Variants in CDH2 observed in about 807,000 individuals in gnomAD.
CDH2 encodes the protein cadherin 2.
Under a neutral mutation model 92.0 loss-of-function variants are expected in CDH2, and 17 were observed. That is an observed-to-expected ratio of 0.18 (90% CI 0.13 to 0.28). The LOEUF is 0.28. Ranked by LOEUF, CDH2 falls within the 10% of genes least tolerant of loss-of-function variation. CDH2 has a pLI of 1.00. For missense variants in CDH2, 862 were observed against 1,133.1 expected (o/e 0.76, Z 3.44); for synonymous variants, 419 against 415.9 (o/e 1.01, Z -0.09).
At chr18:28,159,393 C>A (rs7233210) in intron 1 of CDH2, 2 of 152,152 alleles carry the variant, frequency 1.3e-5, no homozygotes, top group African/African-American at 4.8e-5. Context: ...TGCCTGCCAC[C>A]CTAGTGCTTA....
chr18:27,944,096 CTCAT>C (rs938349354), intron 6 of CDH2, among the ~76,000 whole-genome samples: 14 of 152,260 alleles, frequency 9.2e-5, no homozygotes, highest in South Asian at 4.1e-4. Flanking sequence ...TAAAAATATT[CTCAT>C]TCAATGTTTT....
intron 2 of CDH2, among the ~76,000 whole-genome samples, chr18:28,118,241 G>GT (rs1403974610): frequency 6.6e-6 from 1 of 151,976 alleles, no homozygotes; most frequent in Admixed American, 6.6e-5. Flanking sequence ...GGAAAGAAGA[G>GT]TAAGAAGTGA....
At chr18:28,072,176 TATC>T (rs2014630654) in intron 2 of CDH2, among the ~76,000 whole-genome samples, 1 of 152,076 alleles carries the variant, frequency 6.6e-6, no homozygotes, top group Non-Finnish European at 1.5e-5. Flanking sequence ...GCGTTTTCCT[TATC>T]AGTCTCTTCT....
intron 1 of CDH2, among the ~76,000 whole-genome samples, chr18:28,171,225 TA>T (rs56171991): frequency 0.052 from 6,790 of 130,362 alleles, 160 homozygotes; most frequent in South Asian, 0.11. Flanking sequence ...AGACTGTCTT[TA>T]AAAAAAAAAA....
chr18:28,052,094 G>A (rs1167245632), intron 2 of CDH2, among the ~76,000 whole-genome samples: 1 of 152,106 alleles, frequency 6.6e-6, no homozygotes, highest in Non-Finnish European at 1.5e-5. Flanking sequence ...ACTGTTATGA[G>A]ATATCCGATA....
chr18:28,044,137 T>C (rs2144112784), intron 2 of CDH2, among the ~76,000 whole-genome samples: 1 of 152,224 alleles, frequency 6.6e-6, no homozygotes, highest in East Asian at 1.9e-4. Context: ...GGTCTTTAAC[T>C]CCTGATCTCA....
In CDH2 at chr18:28,176,994, G is replaced by A. The variant is rs773400550; in HGVS notation, c.29C>T (p.Thr10Ile). The change falls in exon 1 of 16, where the codon ACC (threonine) becomes ATC (isoleucine). Residue 10 changes from threonine to isoleucine, a missense_variant. By Grantham distance (89) the Thr-to-Ile change is moderately conservative. Coordinates refer to ENST00000269141, the MANE Select transcript of CDH2 (RefSeq NM_001792.5). MCRIAGALR[T>I]LLPLLAALLQ... ...CAGGGCCGCCAGCAGCGGCAGCAGGGTCCGCAGCGCTCCCGCTATCCGGCA... is the reference window on the plus strand; with the variant it reads ...CAGGGCCGCCAGCAGCGGCAGCAGGATCCGCAGCGCTCCCGCTATCCGGCA... 4.1e-6 allele frequency: 6 copies of A among 1,479,228 alleles called. No individual in the cohort carries two copies. The highest frequency in any genetic ancestry group is 2.5e-5 in the South Asian group (2 of 78,472). The allele number at this position is 1,479,228 out of a possible 1,614,324, so 91.6% of individuals were successfully genotyped here. A position where few individuals can be genotyped will look rare whatever the true frequency, so the allele number is the denominator to read the frequency against.
intron 14 of CDH2, among the ~76,000 whole-genome samples, chr18:27,964,157 T>G (rs910215452): frequency 6.6e-6 from 1 of 152,184 alleles, no homozygotes; most frequent in Admixed American, 6.5e-5. Context: ...CTGGCCCTAC[T>G]GAGGAAAAGT....
At chr18:28,072,835 T>A (rs1401537441) in intron 2 of CDH2, among the ~76,000 whole-genome samples, 1 of 152,244 alleles carries the variant, frequency 6.6e-6, no homozygotes, top group African/African-American at 2.4e-5. Flanking sequence ...CGACAACATA[T>A]GTTCAAAATA....
At chr18:27,981,371 C>T (rs1292441572) in intron 14 of CDH2, among the ~76,000 whole-genome samples, 1 of 152,174 alleles carries the variant, frequency 6.6e-6, no homozygotes, top group Non-Finnish European at 1.5e-5. Context: ...TATTCAGAGA[C>T]ATTTATAAGC....
chr18:27,958,614 T>TATATATGTGTATATGTG (rs1321093920), intron 15 of CDH2, among the ~76,000 whole-genome samples: 1 of 151,428 alleles, frequency 6.6e-6, no homozygotes, highest in Admixed American at 6.6e-5. Context: ...TTTATATATG[T>TATATATGTGTATATGTG]ATATATGTGT....
intron 1 of CDH2, among the ~76,000 whole-genome samples, chr18:28,161,279 C>T (rs1350485368): frequency 6.6e-6 from 1 of 151,978 alleles, no homozygotes; most frequent in Non-Finnish European, 1.5e-5. Context: ...GGTTTGGGAA[C>T]TCTTTAAAAA....
chr18:28,124,135 G>C (rs1034654719), intron 2 of CDH2, among the ~76,000 whole-genome samples: 5 of 151,404 alleles, frequency 3.3e-5, no homozygotes, highest in African/African-American at 1.2e-4. Flanking sequence ...TTTTTTTTAA[G>C]GCTACACAGC....
At chr18:28,054,805 C>T (rs1161695461) in intron 2 of CDH2, among the ~76,000 whole-genome samples, 1 of 152,184 alleles carries the variant, frequency 6.6e-6, no homozygotes, top group Non-Finnish European at 1.5e-5. Context: ...TCCTCTCAAA[C>T]CTTTGTTGCC....
In CDH2 at chr18:28,009,979, A is replaced by T. The variant is rs1055363464; in HGVS notation, c.547-107T>A. 2.6e-5 allele frequency: 20 copies of T among 757,370 alleles called. No individual in the cohort carries two copies. In the African/African-American group the frequency reaches 3.5e-4, roughly 13 times the overall value. 46.9% of individuals were successfully genotyped at this position (757,370 alleles called of 1,614,324 possible). A position where few individuals can be genotyped will look rare whatever the true frequency, so the allele number is the denominator to read the frequency against. On this transcript the variant is annotated intron_variant, in intron 4 of 15. Coordinates refer to ENST00000269141, the MANE Select transcript of CDH2 (RefSeq NM_001792.5). ...CCTTTTTCAGCTACAAACTTATACC[A>T]TCTCTCCCCAGAAAATCACTGAAAC...
intron 2 of CDH2, among the ~76,000 whole-genome samples, chr18:28,094,126 C>A (rs1439326072): frequency 6.6e-6 from 1 of 152,116 alleles, no homozygotes; most frequent in Non-Finnish European, 1.5e-5. Context: ...TTAAAAGAAA[C>A]CCCAGTTAGC....
intron 15 of CDH2, among the ~76,000 whole-genome samples, chr18:27,955,555 C>T (rs1381757206): frequency 6.6e-6 from 1 of 151,754 alleles, no homozygotes; most frequent in Non-Finnish European, 1.5e-5. Context: ...TCTGGTCTTC[C>T]CTGGTGTGTT....
chr18:28,038,435 G>GTA (rs2144100826), intron 2 of CDH2, among the ~76,000 whole-genome samples: 1 of 137,880 alleles, frequency 7.3e-6, no homozygotes, highest in Admixed American at 7.0e-5. Context: ...GTGTGTGTGT[G>GTA]TGTGTGTGTG....
At chr18:28,135,103 T>A (rs139101275) in intron 2 of CDH2, among the ~76,000 whole-genome samples, 170 of 152,294 alleles carry the variant, frequency 1.1e-3, no homozygotes, top group African/African-American at 3.8e-3. Context: ...CTCAGCATTA[T>A]GTGAAAATAG....
Sources: gnomAD v4.1 joint callset for allele counts (sites outside exome capture counted in the v4.1 genomes callset) on GRCh38, gnomAD v4.1.1 for gene constraint, MANE v1.5 for transcripts, NCBI Gene and HGNC (gene_info 2026-07-23, HGNC 2026-07-21) for gene names.